The following BRINP3 variants were observed in gnomAD, a reference collection of about 807,000 sequenced individuals.
The protein encoded by BRINP3 is BMP/retinoic acid inducible neural specific 3, also known as BMP/retinoic acid-inducible neural-specific protein 3.
BRINP3 carries 19 observed loss-of-function variants against 71.0 expected under a neutral mutation model. The observed-to-expected ratio is 0.27, with a 90% confidence interval of 0.19 to 0.39. The LOEUF (loss-of-function observed/expected upper bound fraction) is 0.39. BRINP3 is among the 10% of genes least tolerant of loss of function. The pLI, the probability that BRINP3 is intolerant of heterozygous loss-of-function variation, is 1.00. For missense variants in BRINP3, 959 were observed against 940.8 expected, an observed-to-expected ratio of 1.02 and a Z score of -0.25; for synonymous variants, 380 against 337.7, an observed-to-expected ratio of 1.13 and a Z score of -1.37.
rs115380203 is a variant in BRINP3 at position 190,465,490 on chromosome 1, A to G, written c.-50-10550T>C. On this transcript the variant is annotated intron_variant, in intron 1 of 7. Transcript: ENST00000367462. ...TTATTTGAATCTTCACCCTTAATAT[A>G]TGATCCGCCTAGATATCCGTTTGGG... 1.5e-3 allele frequency among the ~76,000 whole-genome samples: 227 copies of G among 151,922 alleles called. 1 individual carries two copies. The highest frequency in any genetic ancestry group is 5.2e-3 in the African/African-American group (214 of 41,476).
chr1:190,233,205 C>A (rs138733333), intron 5 of BRINP3, among the ~76,000 whole-genome samples: 1 of 151,846 alleles, frequency 6.6e-6, no homozygotes, highest in African/African-American at 2.4e-5. Flanking sequence ...CAGTGATGTG[C>A]GGTGTGGACA....
In BRINP3 at chr1:190,106,864, A is replaced by C. The variant is rs1652217112; in HGVS notation, c.1185-7730T>G. ...ACAAATCAATATATTTTTCTTGTTGAACATTGAAAACCTGAAAACAAATGA... is the reference window on the plus strand; with the variant it reads ...ACAAATCAATATATTTTTCTTGTTGCACATTGAAAACCTGAAAACAAATGA... On this transcript the variant is annotated intron_variant, in intron 7 of 7. Coordinates refer to ENST00000367462, the MANE Select transcript of BRINP3 (RefSeq NM_199051.3). 2.6e-5 allele frequency among the ~76,000 whole-genome samples: 4 copies of C among 151,858 alleles called. No individual in the cohort carries two copies. The South Asian group carries it at 8.3e-4, about 31-fold the overall frequency.
chr1:190,220,775 A>C (rs957695586), intron 6 of BRINP3, among the ~76,000 whole-genome samples: 2 of 152,148 alleles, frequency 1.3e-5, no homozygotes, highest in African/African-American at 4.8e-5. Flanking sequence ...AGAAATGATA[A>C]AGGAAGCTCT....
At chr1:190,211,024 G>A (rs973873361) in intron 6 of BRINP3, among the ~76,000 whole-genome samples, 11 of 151,998 alleles carry the variant, frequency 7.2e-5, no homozygotes, top group African/African-American at 2.7e-4. Context: ...AGGGGCTCTC[G>A]GGCCTTTGGC....
chr1:190,437,901 C>T (rs188735212), intron 2 of BRINP3, among the ~76,000 whole-genome samples: 1 of 151,644 alleles, frequency 6.6e-6, no homozygotes, highest in African/African-American at 2.4e-5. Flanking sequence ...TAACGTTCTA[C>T]GGGATTTTGT....
At chr1:190,195,728 T>C (rs1654421091) in intron 6 of BRINP3, among the ~76,000 whole-genome samples, 1 of 152,070 alleles carries the variant, frequency 6.6e-6, no homozygotes, top group Non-Finnish European at 1.5e-5. Context: ...TTCTTCATTT[T>C]TTTCTTCCTC....
At chr1:190,411,436 A>T (rs1672657244) in intron 2 of BRINP3, among the ~76,000 whole-genome samples, 1 of 152,190 alleles carries the variant, frequency 6.6e-6, no homozygotes, top group Non-Finnish European at 1.5e-5. Flanking sequence ...TCTACAAGGG[A>T]AAAGAAAGAA....
chr1:190,281,306 AATT>A (rs921974342), intron 3 of BRINP3, among the ~76,000 whole-genome samples: 5 of 151,962 alleles, frequency 3.3e-5, no homozygotes, highest in African/African-American at 9.7e-5. Flanking sequence ...AGAGTGCAAC[AATT>A]ATGTCAAATA....
intron 2 of BRINP3, among the ~76,000 whole-genome samples, chr1:190,405,475 A>C (rs1558256891): frequency 2.1e-5 from 2 of 95,920 alleles, no homozygotes; most frequent in Non-Finnish European, 4.2e-5. Flanking sequence ...AAAAAAAAAA[A>C]AAAAAAAAAA....
chr1:190,406,393 T>TG (rs1158269114), intron 2 of BRINP3, among the ~76,000 whole-genome samples: 1 of 152,206 alleles, frequency 6.6e-6, no homozygotes, highest in Non-Finnish European at 1.5e-5. Context: ...ACAAATCACA[T>TG]TATACTACTA....
At chr1:190,140,867 TG>T in intron 7 of BRINP3, among the ~76,000 whole-genome samples, 1 of 152,266 alleles carries the variant, frequency 6.6e-6, no homozygotes, top group African/African-American at 2.4e-5. Context: ...ATTTCACAGG[TG>T]CTGCCTGAAG....
intron 2 of BRINP3, among the ~76,000 whole-genome samples, chr1:190,320,478 A>T (rs1000657884): frequency 6.6e-6 from 1 of 152,124 alleles, no homozygotes; most frequent in Non-Finnish European, 1.5e-5. Context: ...GTGCATTTGT[A>T]TAATTATCGT....
In BRINP3 at chr1:190,394,477, T is replaced by C. The variant is rs940602935; in HGVS notation, c.236+60178A>G. On this transcript the variant is annotated intron_variant, in intron 2 of 7. Transcript: ENST00000367462. ...GCACATATGCCAAAAAAGGAAAACC[T>C]CTAAATTTGTATTATTTCAAACTAT... Among the ~76,000 whole-genome samples the C allele has an allele frequency of 4.6e-5, 7 of 151,572 alleles. No homozygotes were observed. The East Asian group carries it at 1.4e-3, about 29-fold the overall frequency.
chr1:190,332,295 A>G (rs1667015414), intron 2 of BRINP3, among the ~76,000 whole-genome samples: 1 of 152,084 alleles, frequency 6.6e-6, no homozygotes. Flanking sequence ...CAAAGGGCAA[A>G]TTGCCCCAAT....
chr1:190,345,205 C>G (rs1667934733), intron 2 of BRINP3, among the ~76,000 whole-genome samples: 1 of 151,762 alleles, frequency 6.6e-6, no homozygotes, highest in Non-Finnish European at 1.5e-5. Context: ...TGTCTCTATA[C>G]CATTCATAAC....
At position 190,132,063 on chromosome 1, in the gene BRINP3, A is replaced by G. The variant is rs146840121; in HGVS notation, c.1184+28605T>C. 3.4e-3 allele frequency among the ~76,000 whole-genome samples: 523 copies of G among 152,180 alleles called. 6 individuals carry two copies. Among genetic ancestry groups the G allele is most frequent in the African/African-American group, 0.011 (471 of 41,564 alleles). Reference sequence around the variant, plus strand: ...TTGTCTGTAATCTAAGCATCAATTTATAATATTCTTTAGTATAAAATGTAT... The same window carrying G: ...TTGTCTGTAATCTAAGCATCAATTTGTAATATTCTTTAGTATAAAATGTAT... On this transcript the variant is annotated intron_variant, in intron 7 of 7. Transcript: ENST00000367462.
intron 6 of BRINP3, among the ~76,000 whole-genome samples, chr1:190,201,688 G>T (rs977212266): frequency 6.6e-6 from 1 of 151,634 alleles, no homozygotes; most frequent in African/African-American, 2.4e-5. Context: ...CATCCCAGCT[G>T]CTCCAGCCAT....
intron 2 of BRINP3, among the ~76,000 whole-genome samples, chr1:190,344,526 A>T (rs1472539781): frequency 1.3e-5 from 2 of 151,890 alleles, no homozygotes; most frequent in African/African-American, 2.4e-5. Flanking sequence ...TTTTCTACTC[A>T]GTATAGCTCT....
At chr1:190,466,723 A>C (rs1252645229) in intron 1 of BRINP3, among the ~76,000 whole-genome samples, 2 of 151,636 alleles carry the variant, frequency 1.3e-5, no homozygotes, top group Non-Finnish European at 3.0e-5. Flanking sequence ...TTTAGGCAAC[A>C]TGAGGCAGAT....
Sources: gnomAD v4.1 joint callset for allele counts (sites outside exome capture counted in the v4.1 genomes callset) on GRCh38, gnomAD v4.1.1 for gene constraint, MANE v1.5 for transcripts, NCBI Gene and HGNC (gene_info 2026-07-23, HGNC 2026-07-21) for gene names.